The following ZNF423 variants were observed in gnomAD, a reference collection of about 807,000 sequenced individuals.
ZNF423 encodes Ebf-associated zinc finger protein.
ZNF423 carries 12 observed loss-of-function variants against 95.8 expected under a neutral mutation model. That is an observed-to-expected ratio of 0.13 (90% CI 0.08 to 0.20). The LOEUF is 0.20. Ranked by LOEUF, ZNF423 falls within the 10% of genes least tolerant of loss-of-function variation. The pLI is 1.00. For synonymous variants in ZNF423, 749 were observed against 711.9 expected (o/e 1.05, Z -0.83); for missense variants, 1,316 against 1,737.1 (o/e 0.76, Z 4.31).
Position 49,523,498 on chromosome 16 carries a change from T to G in ZNF423, c.3849+126A>C, listed in dbSNP as rs989337929. On this transcript the variant is annotated intron_variant, in intron 7 of 7. Transcript: ENST00000563137. ...AACTCCATGCCTGCTAGCCAGGAGG[T>G]CAGCCCCTGATTGCAGACCTGCCAG... 1.3e-5 allele frequency: 10 copies of G among 750,620 alleles called. No homozygotes were observed. The African/African-American group carries it at 1.4e-4, about 10-fold the overall frequency. 46.5% of individuals were successfully genotyped at this position (750,620 alleles called of 1,614,324 possible).
intron 5 of ZNF423, among the ~76,000 whole-genome samples, chr16:49,529,841 C>G (rs1455934149): frequency 1.3e-5 from 2 of 152,202 alleles, no homozygotes; most frequent in Middle Eastern, 3.4e-3. Flanking sequence ...GGCTCTGGTG[C>G]ACTGAGCGTG....
chr16:49,774,048 C>T (rs112136789), intron 2 of ZNF423, among the ~76,000 whole-genome samples: 2,941 of 152,340 alleles, frequency 0.019, 106 homozygotes, highest in African/African-American at 0.067. Flanking sequence ...CAAAGCGAAG[C>T]CACACTGTGC....
At chr16:49,734,618 C>T (rs561260437) in intron 2 of ZNF423, among the ~76,000 whole-genome samples, 13 of 152,304 alleles carry the variant, frequency 8.5e-5, no homozygotes, top group African/African-American at 2.9e-4. Context: ...GAAGACAGCT[C>T]GCTCAGGGAA....
chr16:49,663,105 GCAAAGCGCACCCAC>G (rs1334085582), intron 3 of ZNF423, among the ~76,000 whole-genome samples: 1 of 152,136 alleles, frequency 6.6e-6, no homozygotes, highest in Non-Finnish European at 1.5e-5. Flanking sequence ...GCAGCTCTAT[GCAAAGCGCACCCAC>G]CATTCCTCTC....
At chr16:49,601,998 G>A (rs1186527027) in intron 5 of ZNF423, among the ~76,000 whole-genome samples, 1 of 152,204 alleles carries the variant, frequency 6.6e-6, no homozygotes, top group Non-Finnish European at 1.5e-5. Flanking sequence ...TTCCAGCTCT[G>A]ACTTAACTCT....
At chr16:49,822,878 T>C in intron 1 of ZNF423, 1 of 578,418 alleles carries the variant, frequency 1.7e-6, no homozygotes, top group Non-Finnish European at 2.9e-6. Flanking sequence ...GGTAGTCATC[T>C]ACGCAGCCAG....
intron 1 of ZNF423, among the ~76,000 whole-genome samples, chr16:49,853,272 T>C (rs952337143): frequency 7.1e-6 from 1 of 140,214 alleles, no homozygotes; most frequent in Non-Finnish European, 1.5e-5. Context: ...GCACACACTT[T>C]TGAATATTGC....
At chr16:49,499,892 G>A (rs796819949) in intron 7 of ZNF423, among the ~76,000 whole-genome samples, 59 of 152,246 alleles carry the variant, frequency 3.9e-4, no homozygotes, top group Admixed American at 2.4e-3. Context: ...AACCCAGCCC[G>A]TAAACAGGCT....
chr16:49,853,426 G>A (rs574849965), intron 1 of ZNF423, among the ~76,000 whole-genome samples: 21 of 152,212 alleles, frequency 1.4e-4, no homozygotes, highest in African/African-American at 5.1e-4. Flanking sequence ...CTTCACCCCA[G>A]TAAACAGAAT....
At chr16:49,507,809 T>G (rs543052887) in intron 7 of ZNF423, among the ~76,000 whole-genome samples, 6 of 152,194 alleles carry the variant, frequency 3.9e-5, no homozygotes, top group African/African-American at 1.4e-4. Context: ...AATTGCAAAC[T>G]GTGAAGTGTT....
At chr16:49,556,890 C>T (rs976782045) in intron 5 of ZNF423, among the ~76,000 whole-genome samples, 8 of 152,154 alleles carry the variant, frequency 5.3e-5, no homozygotes, top group African/African-American at 1.9e-4. Flanking sequence ...AACAGTACCA[C>T]GGGGATCTAG....
At chr16:49,721,333 T>C (rs1396727356) in intron 3 of ZNF423, among the ~76,000 whole-genome samples, 3 of 152,138 alleles carry the variant, frequency 2.0e-5, no homozygotes, top group African/African-American at 7.2e-5. Flanking sequence ...TGAACACCCA[T>C]GCACAGGCAT....
rs545149866 is a variant in ZNF423 at position 49,492,161 on chromosome 16, C to T, written c.3850-857G>A. 2.6e-4 allele frequency among the ~76,000 whole-genome samples: 39 copies of T among 152,334 alleles called. No homozygotes were observed. Among genetic ancestry groups the T allele is most frequent in the Admixed American group, 2.2e-3 (33 of 15,308 alleles). On this transcript the variant is annotated intron_variant, in intron 7 of 7. Transcript: ENST00000563137. The surrounding 1 kb of genome is among the most constrained non-coding windows in gnomAD (Gnocchi z 4.2). ...GGGGTGGGATTTGGCATCTGAAAGCCGTCTTTTTGTTTCTTTTCAGTGGTT... is the reference window on the plus strand; with the variant it reads ...GGGGTGGGATTTGGCATCTGAAAGCTGTCTTTTTGTTTCTTTTCAGTGGTT...
Position 49,637,231 on chromosome 16 carries a change from A to T in ZNF423, c.1945T>A (p.Phe649Ile). 4 of 1,614,098 alleles carry T rather than the reference A, an allele frequency of 2.5e-6. No individual in the cohort carries two copies. The highest frequency in any genetic ancestry group is 3.4e-6 in the Non-Finnish European group (4 of 1,180,042). The part of the protein sequence containing the change: ...EYPCNQCDLK[F>I]SNFESFQTHL... ...GTCTGGAAGCTCTCAAAGTTGGAGA[A>T]CTTGAGGTCGCATTGATTGCAAGGA... The change falls in exon 4 of 8, where the codon TTC (phenylalanine) becomes ATC (isoleucine). Residue 649 changes from phenylalanine (F) to isoleucine (I), a missense_variant. By Grantham distance (21) the Phe-to-Ile change is conservative. Around this residue, in one of 6 missense-constraint regions of ZNF423, gnomAD observed 620 missense variants for 775.6 expected, o/e 0.80. Coordinates refer to ENST00000563137, the MANE Select transcript of ZNF423 (RefSeq NM_001379286.1). This position sits in a 1 kb window ranked among gnomAD's most constrained non-coding sequence, Gnocchi z 5.6.
At chr16:49,778,678 C>T (rs1053514335) in intron 2 of ZNF423, among the ~76,000 whole-genome samples, 31 of 152,312 alleles carry the variant, frequency 2.0e-4, no homozygotes, top group Admixed American at 1.5e-3. Flanking sequence ...GTGGCCATGC[C>T]CAGAGATTGC....
intron 3 of ZNF423, among the ~76,000 whole-genome samples, chr16:49,712,655 G>A (rs1031440375): frequency 5.3e-5 from 8 of 152,356 alleles, no homozygotes; most frequent in African/African-American, 1.4e-4. Flanking sequence ...GCTGAACCTC[G>A]GCCTGCAGCC....
chr16:49,842,307 GCGA>G (rs2035193587), intron 1 of ZNF423, among the ~76,000 whole-genome samples: 20 of 61,974 alleles, frequency 3.2e-4, no homozygotes, highest in African/African-American at 5.0e-4. Context: ...GGGAGGGGAG[GCGA>G]GGGAAGGGAA....
At chr16:49,711,675 G>A (rs2032547939) in intron 3 of ZNF423, 1 of 152,182 alleles carries the variant, frequency 6.6e-6, no homozygotes, top group South Asian at 2.1e-4. Context: ...ATGTTAAAAT[G>A]TGTCTTAGAA....
At chr16:49,610,933 A>G (rs1971700810) in intron 5 of ZNF423, among the ~76,000 whole-genome samples, 1 of 152,048 alleles carries the variant, frequency 6.6e-6, no homozygotes, top group Admixed American at 6.5e-5. Context: ...ACATTAAACA[A>G]TGATAAAGGG....
Sources: gnomAD v4.1 joint callset for allele counts (sites outside exome capture counted in the v4.1 genomes callset) on GRCh38, gnomAD v4.1.1 for gene constraint, gnomAD v4.1.1 regional missense constraint, Gnocchi (gnomAD v3.1) non-coding constraint, MANE v1.5 for transcripts, NCBI Gene and HGNC (gene_info 2026-07-23, HGNC 2026-07-21) for gene names.